TMEM68: variants seen among roughly 807,000 people sequenced by gnomAD.
TMEM68 encodes transmembrane protein 68.
A neutral mutation model predicts 36.9 loss-of-function variants in TMEM68; 25 were observed. The observed-to-expected ratio is 0.68, with a 90% CI of 0.49 to 0.95. The LOEUF (loss-of-function observed/expected upper bound fraction) is 0.95, where lower values mean the gene tolerates loss of function less well. Among genes scored for constraint, TMEM68 ranks in the 40% least tolerant of loss-of-function variants. The pLI, the probability that TMEM68 is intolerant of heterozygous loss-of-function variation, is 0.00. For missense variants in TMEM68, 333 were observed against 392.0 expected, an observed-to-expected ratio of 0.85 and a Z score of 1.27; for synonymous variants, 131 against 124.4, an observed-to-expected ratio of 1.05 and a Z score of -0.35.
At chr8:55,754,662 A>T (rs1403074405) in intron 4 of TMEM68, among the ~76,000 whole-genome samples, 1 of 131,780 alleles carries the variant, frequency 7.6e-6, no homozygotes, top group South Asian at 2.2e-4. Context: ...ATTATATATA[A>T]AATACATATA....
At chr8:55,754,806 A>G (rs1401396722) in intron 4 of TMEM68, among the ~76,000 whole-genome samples, 1 of 130,998 alleles carries the variant, frequency 7.6e-6, no homozygotes, top group African/African-American at 2.9e-5. Flanking sequence ...TATATAATAT[A>G]TATTTATATT....
chr8:55,748,578 G>C (rs947939283), intron 5 of TMEM68, among the ~76,000 whole-genome samples: 27 of 151,920 alleles, frequency 1.8e-4, no homozygotes, highest in African/African-American at 6.0e-4. Context: ...AGGGAGGAAG[G>C]GGGGGAGAGA....
chr8:55,744,976 T>C, intron 6 of TMEM68, 85 bp downstream of exon 6: 1 of 830,216 alleles, frequency 1.2e-6, no homozygotes, highest in Non-Finnish European at 1.7e-6. Flanking sequence ...AAGATAATAA[T>C]TCAAAAGGTT....
Position 55,738,835 on chromosome 8 carries a change from CCTA to C in TMEM68, c.*1294_*1296del, listed in dbSNP as rs1279492082. On this transcript the variant is annotated 3_prime_UTR_variant, in exon 8 of 8. Coordinates refer to ENST00000434581, the MANE Select transcript of TMEM68 (RefSeq NM_001286657.2). ...ACAATACAAAAAGCTATACAAAAACCCTACTAATTCAACATTTAAAAAAGGGAG... is the reference window on the plus strand; with the variant it reads ...ACAATACAAAAAGCTATACAAAAACCCTAATTCAACATTTAAAAAAGGGAG... 3.9e-5 allele frequency: 6 copies of C among 152,344 alleles called. No individual in the cohort carries two copies. Among genetic ancestry groups the C allele is most frequent in the Admixed American group, 3.3e-4 (5 of 15,244 alleles). The allele number at this position is 152,344 out of a possible 1,614,324, so 9.4% of individuals were successfully genotyped here. A position where few individuals can be genotyped will look rare whatever the true frequency, so the allele number is the denominator to read the frequency against.
chr8:55,754,562 T>A (rs925198823), intron 4 of TMEM68, among the ~76,000 whole-genome samples: 2 of 137,924 alleles, frequency 1.5e-5, no homozygotes, highest in Non-Finnish European at 3.0e-5. Context: ...TACATACATA[T>A]TATATATTTA....
chr8:55,761,058 C>T (rs1168517564), intron 3 of TMEM68: 3 of 152,060 alleles, frequency 2.0e-5, no homozygotes, highest in Non-Finnish European at 4.4e-5. Context: ...TACCAAACCA[C>T]CTGGTTGAAA....
intron 1 of TMEM68, among the ~76,000 whole-genome samples, chr8:55,772,283 A>C (rs1038292762): frequency 6.6e-6 from 1 of 152,228 alleles, no homozygotes; most frequent in Non-Finnish European, 1.5e-5. Context: ...CTCAGTTTTT[A>C]TATAGTTCTG....
chr8:55,772,330 C>T (rs890901740), intron 1 of TMEM68, among the ~76,000 whole-genome samples: 14 of 152,144 alleles, frequency 9.2e-5, no homozygotes, highest in African/African-American at 3.4e-4. Context: ...TTCGTAGCAC[C>T]AACCACGTCC....
chr8:55,743,146 A>G (rs1224837578), intron 7 of TMEM68, among the ~76,000 whole-genome samples: 1 of 152,134 alleles, frequency 6.6e-6, no homozygotes, highest in Admixed American at 6.6e-5. Context: ...TGAAATCTCC[A>G]TCATCAATTC....
intron 5 of TMEM68, chr8:55,747,866 C>G (rs1810329770): frequency 2.6e-5 from 4 of 152,178 alleles, no homozygotes; most frequent in African/African-American, 9.7e-5. Context: ...TCAGCTCATG[C>G]ATATACCATT....
At chr8:55,765,911 A>G (rs1276261487) in intron 1 of TMEM68, among the ~76,000 whole-genome samples, 1 of 152,198 alleles carries the variant, frequency 6.6e-6, no homozygotes, top group Non-Finnish European at 1.5e-5. Context: ...ATAAAGACCT[A>G]TTTAGCACCT....
At chr8:55,748,231 T>C (rs1181138312) in intron 5 of TMEM68, 1 of 152,266 alleles carries the variant, frequency 6.6e-6, no homozygotes, top group African/African-American at 2.4e-5. Flanking sequence ...AGTGGCATGA[T>C]CTAGGCTCAC....
At chr8:55,759,585 T>C (rs746100330) in intron 3 of TMEM68, among the ~76,000 whole-genome samples, 1 of 151,134 alleles carries the variant, frequency 6.6e-6, no homozygotes, top group Non-Finnish European at 1.5e-5. Flanking sequence ...AATAAATAAA[T>C]AAATATAAAT....
intron 1 of TMEM68, among the ~76,000 whole-genome samples, chr8:55,769,597 A>T (rs2130047860): frequency 6.6e-6 from 1 of 152,312 alleles, no homozygotes; most frequent in African/African-American, 2.4e-5. Context: ...GGCACCTAAC[A>T]AATGCTGGCT....
intron 3 of TMEM68, 89 bp downstream of exon 3, chr8:55,762,538 TTTTCAGTA>T: frequency 6.4e-7 from 1 of 1,573,064 alleles, no homozygotes; most frequent in Admixed American, 1.9e-5. Flanking sequence ...TCTATTATAT[TTTTCAGTA>T]TCTTCTCAAT....
At chr8:55,753,125 C>A (rs2129956709) in intron 4 of TMEM68, among the ~76,000 whole-genome samples, 1 of 151,860 alleles carries the variant, frequency 6.6e-6, no homozygotes, top group East Asian at 1.9e-4. Context: ...CTTTAATGAT[C>A]TTTATGATCA....
intron 4 of TMEM68, chr8:55,751,461 C>T: frequency 2.4e-6 from 1 of 424,680 alleles, no homozygotes; most frequent in South Asian, 1.9e-5. Flanking sequence ...TAAGAAGTGG[C>T]AGGGCAGAGA....
chr8:55,758,298 A>G (rs1029652782), intron 3 of TMEM68, among the ~76,000 whole-genome samples: 2 of 152,174 alleles, frequency 1.3e-5, no homozygotes, highest in Non-Finnish European at 2.9e-5. Context: ...CCGACCACCA[A>G]TGGCCTGACA....
intron 1 of TMEM68, among the ~76,000 whole-genome samples, chr8:55,769,018 T>TTTAAA (rs1554556017): frequency 1.2e-5 from 1 of 82,094 alleles, no homozygotes; most frequent in African/African-American, 5.0e-5. Context: ...ACTCTGTCTT[T>TTTAAA]AAAAAAAAAA....
Sources: allele counts gnomAD v4.1 joint callset (sites outside exome capture counted in the v4.1 genomes callset), GRCh38; gene constraint gnomAD v4.1.1; transcripts MANE v1.5; gene names NCBI Gene and HGNC (gene_info 2026-07-23, HGNC 2026-07-21).